Variants in NOS1AP observed in about 807,000 individuals in gnomAD.
NOS1AP encodes the protein carboxyl-terminal PDZ ligand of neuronal nitric oxide synthase protein.
A neutral mutation model predicts 56.2 loss-of-function variants in NOS1AP; 21 were observed. The ratio of observed to expected loss-of-function variants is 0.37; its 90% CI spans 0.26 to 0.54. The LOEUF is 0.54. Ranked by LOEUF, NOS1AP falls within the 20% of genes least tolerant of loss-of-function variation. NOS1AP has a pLI of 0.84. For missense variants in NOS1AP, 522 were observed against 657.8 expected, an observed-to-expected ratio of 0.79 and a Z score of 2.26; for synonymous variants, 270 against 274.6, an observed-to-expected ratio of 0.98 and a Z score of 0.17.
intron 6 of NOS1AP, among the ~76,000 whole-genome samples, chr1:162,345,667 A>G (rs2101809170): frequency 6.6e-6 from 1 of 152,338 alleles, no homozygotes; most frequent in Middle Eastern, 3.4e-3. Context: ...TGGCTCAGAG[A>G]GAAGACCTTT....
rs141816623 is a variant in NOS1AP, at chr1:162,248,062, C to T, written c.178-39282C>T. Among the ~76,000 whole-genome samples, 959 of 152,116 alleles carry T rather than the reference C, an allele frequency of 6.3e-3. 12 individuals are homozygous for T. Among genetic ancestry groups the T allele is most frequent in the African/African-American group, 0.022 (901 of 41,494 alleles). On this transcript the variant is annotated intron_variant, in intron 2 of 9. Coordinates refer to ENST00000361897, the MANE Select transcript of NOS1AP (RefSeq NM_014697.3). ...CCTTGGGAGGCTGAGTTGGGAGGATCGCTTGAGGCCGGATGTTCAAAACCA... is the reference window on the plus strand; with the variant it reads ...CCTTGGGAGGCTGAGTTGGGAGGATTGCTTGAGGCCGGATGTTCAAAACCA...
At chr1:162,151,307 T>C (rs1247674296) in intron 1 of NOS1AP, among the ~76,000 whole-genome samples, 11 of 152,216 alleles carry the variant, frequency 7.2e-5, no homozygotes, top group Admixed American at 7.2e-4. Context: ...CCCCATTCTG[T>C]TCCATTGGTC....
chr1:162,259,947 A>G (rs1654155251), intron 2 of NOS1AP, among the ~76,000 whole-genome samples: 1 of 152,070 alleles, frequency 6.6e-6, no homozygotes, highest in Non-Finnish European at 1.5e-5. Context: ...CATATTATCT[A>G]ACAGCTTACT....
intron 2 of NOS1AP, among the ~76,000 whole-genome samples, chr1:162,196,025 A>G (rs1228016013): frequency 6.6e-6 from 1 of 152,214 alleles, no homozygotes; most frequent in Admixed American, 6.5e-5. Flanking sequence ...AAGGAGATGA[A>G]AAGGTTTTCG....
intron 4 of NOS1AP, among the ~76,000 whole-genome samples, chr1:162,320,364 T>G (rs1421941189): frequency 1.3e-5 from 2 of 152,208 alleles, no homozygotes; most frequent in African/African-American, 2.4e-5. Context: ...CAAGCAAGTG[T>G]ACAAACCTTT....
intron 2 of NOS1AP, among the ~76,000 whole-genome samples, chr1:162,187,001 T>C (rs113703295): frequency 6.6e-6 from 1 of 152,198 alleles, no homozygotes; most frequent in African/African-American, 2.4e-5. Context: ...GGGTCTCACT[T>C]TGTCACCCAG....
chr1:162,214,768 C>G (rs1652500385), intron 2 of NOS1AP, among the ~76,000 whole-genome samples: 1 of 152,088 alleles, frequency 6.6e-6, no homozygotes, highest in Non-Finnish European at 1.5e-5. Flanking sequence ...AATTTTCGGT[C>G]TGGAAATAGC....
chr1:162,208,899 A>G (rs2101644455), intron 2 of NOS1AP, among the ~76,000 whole-genome samples: 1 of 152,320 alleles, frequency 6.6e-6, no homozygotes, highest in African/African-American at 2.4e-5. Context: ...AGAACAGAAA[A>G]TTTGAGGCCA....
chr1:162,178,865 G>T (rs376157125), intron 2 of NOS1AP, among the ~76,000 whole-genome samples: 1 of 152,104 alleles, frequency 6.6e-6, no homozygotes. Flanking sequence ...TTTTCATTCC[G>T]AGCATTGTCA....
chr1:162,321,169 A>G (rs1656401731), intron 4 of NOS1AP, among the ~76,000 whole-genome samples: 1 of 152,122 alleles, frequency 6.6e-6, no homozygotes, highest in Non-Finnish European at 1.5e-5. Flanking sequence ...TTTTCCCAGC[A>G]CCATTTGTTG....
chr1:162,335,004 G>C (rs1023743161), intron 5 of NOS1AP, among the ~76,000 whole-genome samples: 3 of 147,006 alleles, frequency 2.0e-5, no homozygotes, highest in African/African-American at 7.4e-5. Flanking sequence ...CGGACGCAGT[G>C]GGGGCATCCA....
intron 1 of NOS1AP, among the ~76,000 whole-genome samples, chr1:162,072,059 C>CAGATAGAT (rs138572328): frequency 0.16 from 22,272 of 141,504 alleles, 1,825 homozygotes; most frequent in East Asian, 0.19. Flanking sequence ...GACCCTGTCT[C>CAGATAGAT]AGATAGATAG....
chr1:162,160,526 C>T (rs1259616973), intron 2 of NOS1AP, among the ~76,000 whole-genome samples: 1 of 152,228 alleles, frequency 6.6e-6, no homozygotes, highest in African/African-American at 2.4e-5. Flanking sequence ...CCTGTCTGCA[C>T]TTGTGTTTCC....
In NOS1AP at chr1:162,343,996, T is replaced by C. The variant is rs1342599971; in HGVS notation, c.595+20T>C. ...ACCCAGGTAGGCACTGCGGCTTCTG[T>C]GGATGTGGGTGGGAAGGCAGTGCAC... is the stretch of plus-strand genomic sequence containing the variant. On this transcript the variant is annotated intron_variant, in intron 6 of 9. Coordinates refer to ENST00000361897, the MANE Select transcript of NOS1AP (RefSeq NM_014697.3). 6.7e-5 allele frequency: 108 copies of C among 1,613,444 alleles called. No individual in the cohort carries two copies. The highest frequency in any genetic ancestry group is 8.7e-5 in the Non-Finnish European group (103 of 1,179,764).
intron 1 of NOS1AP, among the ~76,000 whole-genome samples, chr1:162,115,883 G>A (rs1448025849): frequency 6.6e-6 from 1 of 152,172 alleles, no homozygotes; most frequent in Non-Finnish European, 1.5e-5. Context: ...GATATTTATG[G>A]GAGGTATGCA....
At chr1:162,198,974 C>T (rs1044862922) in intron 2 of NOS1AP, among the ~76,000 whole-genome samples, 13 of 152,096 alleles carry the variant, frequency 8.5e-5, no homozygotes, top group Admixed American at 5.2e-4. Context: ...TTTACCCCTC[C>T]GCATAATGCC....
chr1:162,264,378 G>C (rs1189013306), intron 2 of NOS1AP, among the ~76,000 whole-genome samples: 1 of 150,858 alleles, frequency 6.6e-6, no homozygotes, highest in African/African-American at 2.4e-5. Context: ...TGCTTAGAAT[G>C]TTTCTCATCC....
At chr1:162,273,805 T>C (rs1654659758) in intron 2 of NOS1AP, among the ~76,000 whole-genome samples, 2 of 152,346 alleles carry the variant, frequency 1.3e-5, no homozygotes, top group Non-Finnish European at 1.5e-5. Flanking sequence ...TATCAGTAGT[T>C]CATTCCTTTT....
At chr1:162,249,104 G>A (rs572335894) in intron 2 of NOS1AP, among the ~76,000 whole-genome samples, 9 of 152,174 alleles carry the variant, frequency 5.9e-5, no homozygotes, top group African/African-American at 1.2e-4. Flanking sequence ...AAGCTCTCCC[G>A]GGGTTTGGCC....
Sources: gnomAD v4.1 joint callset for allele counts (sites outside exome capture counted in the v4.1 genomes callset) on GRCh38, gnomAD v4.1.1 for gene constraint, MANE v1.5 for transcripts, NCBI Gene and HGNC (gene_info 2026-07-23, HGNC 2026-07-21) for gene names.